The following PDE10A variants were observed in gnomAD, a reference collection of about 807,000 sequenced individuals.
PDE10A encodes phosphodiesterase 10A.
A neutral mutation model predicts 97.7 loss-of-function variants in PDE10A; 39 were observed. The ratio of observed to expected loss-of-function variants is 0.40; its 90% CI spans 0.31 to 0.52. PDE10A has a LOEUF of 0.52. Ranked by LOEUF, PDE10A falls within the 20% of genes least tolerant of loss-of-function variation. The probability of loss-of-function intolerance (pLI) is 0.56; values close to 1 mark genes in which losing one functional copy is unlikely to be tolerated. For synonymous variants in PDE10A, 371 were observed against 376.8 expected (o/e 0.98, Z 0.18); for missense variants, 731 against 1,047.8 (o/e 0.70, Z 4.17).
intron 1 of PDE10A, among the ~76,000 whole-genome samples, chr6:165,626,189 C>T (rs561320020): frequency 2.0e-5 from 3 of 152,128 alleles, no homozygotes; most frequent in Admixed American, 6.5e-5. Context: ...TTCTCTCCCT[C>T]GCATAAGAAA....
chr6:165,645,673 G>A (rs2128422341), intron 1 of PDE10A, among the ~76,000 whole-genome samples: 1 of 151,968 alleles, frequency 6.6e-6, no homozygotes, highest in East Asian at 1.9e-4. Flanking sequence ...GACCAATATG[G>A]TGAAACCCTA....
At chr6:165,582,059 C>T (rs765028194) in intron 1 of PDE10A, among the ~76,000 whole-genome samples, 8 of 152,250 alleles carry the variant, frequency 5.3e-5, no homozygotes, top group Admixed American at 1.3e-4. Flanking sequence ...CCATGGTCCC[C>T]GCTTTTACTT....
intron 1 of PDE10A, among the ~76,000 whole-genome samples, chr6:165,893,813 A>G (rs1277257501): frequency 6.8e-6 from 1 of 146,462 alleles, no homozygotes; most frequent in East Asian, 2.0e-4. Context: ...AATCGCAACA[A>G]CATTAGTGCC....
intron 16 of PDE10A, among the ~76,000 whole-genome samples, 200 bp downstream of exon 16, chr6:165,392,446 T>C (rs1785792938): frequency 6.6e-6 from 1 of 152,242 alleles, no homozygotes; most frequent in South Asian, 2.1e-4. Context: ...AGTTAAAATT[T>C]CTTTTATCTA....
intron 3 of PDE10A, among the ~76,000 whole-genome samples, chr6:165,466,078 C>G (rs1778633513): frequency 6.6e-6 from 1 of 152,082 alleles, no homozygotes; most frequent in South Asian, 2.1e-4. Context: ...AGGGATTCTG[C>G]AAATCAACAA....
intron 1 of PDE10A, among the ~76,000 whole-genome samples, chr6:165,755,007 TAAC>T (rs1169146931): frequency 6.6e-6 from 1 of 152,182 alleles, no homozygotes; most frequent in Non-Finnish European, 1.5e-5. Context: ...TTTGTTTCAA[TAAC>T]AAAAGTTTAC....
intron 1 of PDE10A, among the ~76,000 whole-genome samples, chr6:165,550,764 G>C (rs1273524398): frequency 2.0e-5 from 3 of 152,096 alleles, no homozygotes; most frequent in African/African-American, 4.8e-5. Flanking sequence ...AGGAAACAAG[G>C]CTTCTGTAAC....
At chr6:165,969,715 G>T (rs1381182496) in intron 1 of PDE10A, among the ~76,000 whole-genome samples, 1 of 152,152 alleles carries the variant, frequency 6.6e-6, no homozygotes, top group African/African-American at 2.4e-5. Flanking sequence ...AGATAGAAAT[G>T]TATACATTGA....
chr6:165,358,289 G>C (rs1443342478), intron 18 of PDE10A, among the ~76,000 whole-genome samples: 1 of 152,030 alleles, frequency 6.6e-6, no homozygotes, highest in Non-Finnish European at 1.5e-5. Flanking sequence ...TACTTAAGGA[G>C]GGATATAAAA....
Position 165,482,380 on chromosome 6 carries a change from G to C in PDE10A, c.995-37C>G, listed in dbSNP as rs55896530. The stretch of plus-strand genomic sequence containing the variant: ...GAAGGAAGAGGGAAAAACACAATTA[G>C]CGACTGAGTAGGTTTTAAAATACAA... On this transcript the variant is annotated intron_variant, in intron 2 of 21. Transcript: ENST00000539869. The C allele has an allele frequency of 2.8e-3, 4,370 of 1,536,992 alleles. 97 individuals are homozygous for C. The African/African-American group carries it at 0.052, about 18-fold the overall frequency.
intron 1 of PDE10A, among the ~76,000 whole-genome samples, chr6:165,659,357 A>G (rs1365603937): frequency 2.0e-5 from 3 of 152,230 alleles, no homozygotes; most frequent in Non-Finnish European, 4.4e-5. Context: ...TAAAGAATCT[A>G]GAAATTCTTT....
At chr6:165,597,590 A>AT (rs1299985236) in intron 1 of PDE10A, among the ~76,000 whole-genome samples, 3 of 152,254 alleles carry the variant, frequency 2.0e-5, no homozygotes, top group African/African-American at 7.2e-5. Context: ...ACTCCCTCAA[A>AT]TATGTCCAAA....
chr6:165,547,716 G>A (rs1783808068), intron 1 of PDE10A, among the ~76,000 whole-genome samples: 1 of 152,160 alleles, frequency 6.6e-6, no homozygotes, highest in Non-Finnish European at 1.5e-5. Flanking sequence ...GAGCCATAGA[G>A]CAGTGATGAA....
intron 1 of PDE10A, among the ~76,000 whole-genome samples, chr6:165,925,276 A>G (rs1191799817): frequency 6.6e-6 from 1 of 152,218 alleles, no homozygotes; most frequent in African/African-American, 2.4e-5. Context: ...GAGAAACTAG[A>G]TCACTCGTAC....
At chr6:165,694,174 T>G (rs530246400) in intron 1 of PDE10A, among the ~76,000 whole-genome samples, 45 of 152,340 alleles carry the variant, frequency 3.0e-4, no homozygotes, top group African/African-American at 1.1e-3. Context: ...CACGTATATC[T>G]CATCATAAGT....
At chr6:165,691,106 T>TCCCCCCCCCC (rs35264122) in intron 1 of PDE10A, among the ~76,000 whole-genome samples, 1 of 39,092 alleles carries the variant, frequency 2.6e-5, no homozygotes, top group Non-Finnish European at 4.5e-5. Flanking sequence ...TCTTTCTCTC[T>TCCCCCCCCCC]CCCCCCCCCC....
chr6:165,341,461 G>T (rs1781964720), intron 19 of PDE10A, among the ~76,000 whole-genome samples: 2 of 152,108 alleles, frequency 1.3e-5, no homozygotes, highest in African/African-American at 4.8e-5. Flanking sequence ...CTTTCTCATA[G>T]CAATCCTGTA....
At chr6:165,817,114 C>A (rs1192408833) in intron 1 of PDE10A, among the ~76,000 whole-genome samples, 5 of 152,126 alleles carry the variant, frequency 3.3e-5, no homozygotes, top group African/African-American at 1.2e-4. Context: ...GAACTCAGAG[C>A]CTCCCACGGT....
intron 1 of PDE10A, chr6:165,911,038 AC>A (rs910968387): frequency 6.6e-6 from 1 of 151,990 alleles, no homozygotes; most frequent in African/African-American, 2.4e-5. Flanking sequence ...CAAACAAAAA[AC>A]CCCACACACA....
Sources: allele counts gnomAD v4.1 joint callset (sites outside exome capture counted in the v4.1 genomes callset), GRCh38; gene constraint gnomAD v4.1.1; transcripts MANE v1.5; gene names NCBI Gene and HGNC (gene_info 2026-07-23, HGNC 2026-07-21).